Variants in ALMS1 observed in about 807,000 individuals in gnomAD.
ALMS1 encodes centrosome-associated protein ALMS1.
ALMS1 carries 271 observed loss-of-function variants against 352.2 expected under a neutral mutation model. The ratio of observed to expected loss-of-function variants is 0.77; its 90% CI spans 0.70 to 0.85. The LOEUF is 0.85. Among genes scored for constraint, ALMS1 ranks in the 40% least tolerant of loss-of-function variants. The pLI is 0.00. For synonymous variants in ALMS1, 1,865 were observed against 1,761.2 expected, an observed-to-expected ratio of 1.06 and a Z score of -1.48; for missense variants, 5,445 against 4,870.7, an observed-to-expected ratio of 1.12 and a Z score of -3.51.
intron 9 of ALMS1, among the ~76,000 whole-genome samples, chr2:73,487,384 G>C (rs541998645): frequency 2.6e-5 from 4 of 152,314 alleles, no homozygotes; most frequent in African/African-American, 9.6e-5. Flanking sequence ...CAAGGCTGCA[G>C]CTGGACCAGA....
chr2:73,459,950 G>T (rs6756987), intron 9 of ALMS1, among the ~76,000 whole-genome samples: 58,626 of 151,914 alleles, frequency 0.39, 15,842 homozygotes, highest in African/African-American at 0.77. Flanking sequence ...CTCCCCTGTA[G>T]GCCTGTTTCC....
rs765176591 is a variant in ALMS1, at chr2:73,490,519, C to G, written c.8560C>G (p.Leu2854Val). The G allele has an allele frequency of 1.5e-5, 25 of 1,614,022 alleles. No individual in the cohort carries two copies. Among genetic ancestry groups the G allele is most frequent in the Middle Eastern group, 3.3e-4 (2 of 6,082 alleles). The change falls in exon 10 of 23, where the codon CTA (leucine) becomes GTA (valine). Residue 2854 changes from leucine (L) to valine (V), a missense_variant. Physicochemically the swap from Leu to Val is conservative, Grantham distance 32. Transcript: ENST00000613296. ...TAGCATGGGCAGACCAAGTTCCACC[C>G]TAGGAGTAAACAGATCGAGTTCCAG... ...LISMGRPSSTLGVNRSSSRLG... is the reference protein window; with the variant it reads ...LISMGRPSSTVGVNRSSSRLG...
intron 1 of ALMS1, 44 bp from the exon 2 acceptor site, chr2:73,408,578 G>C (rs746305486): frequency 1.9e-6 from 3 of 1,597,202 alleles, no homozygotes; most frequent in East Asian, 4.5e-5. Context: ...TATAATCATA[G>C]TGATTGTGTT....
intron 10 of ALMS1, among the ~76,000 whole-genome samples, chr2:73,509,770 G>C (rs1673411226): frequency 6.6e-6 from 1 of 152,136 alleles, no homozygotes. Flanking sequence ...TATCTTTGTG[G>C]TGTTCTCTGT....
intron 2 of ALMS1, among the ~76,000 whole-genome samples, chr2:73,414,671 T>A (rs1221605498): frequency 6.6e-6 from 1 of 152,042 alleles, no homozygotes; most frequent in Non-Finnish European, 1.5e-5. Flanking sequence ...CTATTATTAA[T>A]CATTACATAA....
intron 7 of ALMS1, among the ~76,000 whole-genome samples, chr2:73,438,988 TTCTTCTTCC>T (rs142350660): frequency 0.3 from 45,424 of 151,432 alleles, 8,341 homozygotes; most frequent in African/African-American, 0.52. Context: ...CTTTTCTTTC[TTCTTCTTCC>T]TCTTCTTCCT....
intron 7 of ALMS1, among the ~76,000 whole-genome samples, chr2:73,438,308 A>G (rs1215492440): frequency 1.3e-5 from 2 of 152,230 alleles, no homozygotes; most frequent in Non-Finnish European, 2.9e-5. Flanking sequence ...TATAACAAGC[A>G]GAAAGTAACT....
In ALMS1 at chr2:73,573,040, G is replaced by C. The variant is rs563578298; in HGVS notation, c.11163G>C (p.Leu3721=). The C allele has an allele frequency of 1.9e-6, 3 of 1,613,944 alleles. No homozygotes were observed. Among genetic ancestry groups the C allele is most frequent in the Non-Finnish European group, 2.5e-6 (3 of 1,179,998 alleles). ...AGATTAAATTTGATAAATATATTCT[G>C]AGTAAACAGCCAGGTTTTAATTATA... is the stretch of plus-strand genomic sequence containing the variant. ...IEQIKFDKYI[L]SKQPGFNYIS... is the part of the protein sequence containing the mutation. The change falls in exon 16 of 23, where the codon CTG becomes CTC. Residue 3721 remains leucine, a synonymous_variant. Transcript: ENST00000613296.
At chr2:73,415,014 TG>T (rs1671158635) in intron 2 of ALMS1, among the ~76,000 whole-genome samples, 1 of 152,188 alleles carries the variant, frequency 6.6e-6, no homozygotes, top group African/African-American at 2.4e-5. Context: ...CTTGAAACGC[TG>T]GAATGTTCGC....
Position 73,424,509 on chromosome 2 carries a change from G to A in ALMS1, c.844G>A (p.Ala282Thr). 6.2e-7 allele frequency: 1 copy of A among 1,609,732 alleles called. No individual in the cohort carries two copies. Among genetic ancestry groups the A allele is most frequent in the Middle Eastern group, 1.7e-4 (1 of 6,030 alleles). ...TAGTGAAGCTTTATTCCAGGCTACT[G>A]CAGAAGTAGCTTCAGACTTAGCAAG... ...EVSEALFQAT[A>T]EVASDLASSR... The change falls in exon 5 of 23, where the codon GCA (alanine) becomes ACA (threonine). Residue 282 changes from alanine (A) to threonine (T), a missense_variant. Transcript: ENST00000613296.
At chr2:73,390,452 G>A (rs1263908921) in intron 1 of ALMS1, among the ~76,000 whole-genome samples, 1 of 152,212 alleles carries the variant, frequency 6.6e-6, no homozygotes, top group East Asian at 1.9e-4. Flanking sequence ...TAATAAGGGA[G>A]TTATAGTGGT....
intron 2 of ALMS1, among the ~76,000 whole-genome samples, chr2:73,413,059 TC>T (rs985343212): frequency 2.0e-5 from 3 of 152,026 alleles, no homozygotes; most frequent in African/African-American, 7.3e-5. Flanking sequence ...ATTTTAACAT[TC>T]ATTTCTCTAA....
At position 73,487,367 on chromosome 2, in the gene ALMS1, C is replaced by A. The variant is rs74378244; in HGVS notation, c.7675-2267C>A. Among the ~76,000 whole-genome samples the A allele has an allele frequency of 6.3e-3, 954 of 152,168 alleles. 11 individuals are homozygous for A. The highest frequency in any genetic ancestry group is 0.02 in the African/African-American group (843 of 41,510). On this transcript the variant is annotated intron_variant, in intron 9 of 22. Transcript: ENST00000613296. ...GCTCCAGTGCTGGCACTGGTGCTGGCGCCACGCAAGGCTGCAGCTGGACCA... is the reference window on the plus strand; with the variant it reads ...GCTCCAGTGCTGGCACTGGTGCTGGAGCCACGCAAGGCTGCAGCTGGACCA...
chr2:73,501,186 G>A (rs962679758), intron 10 of ALMS1, among the ~76,000 whole-genome samples: 3 of 152,006 alleles, frequency 2.0e-5, no homozygotes, highest in Non-Finnish European at 2.9e-5. Flanking sequence ...ATTTGTCTCA[G>A]TATTATAGGA....
At chr2:73,575,886 A>T (rs1255987369) in intron 16 of ALMS1, among the ~76,000 whole-genome samples, 5 of 151,842 alleles carry the variant, frequency 3.3e-5, no homozygotes. Context: ...TTGGTGTCAT[A>T]TCTTAGAAAT....
At chr2:73,394,699 C>T (rs1161190338) in intron 1 of ALMS1, among the ~76,000 whole-genome samples, 2 of 152,034 alleles carry the variant, frequency 1.3e-5, no homozygotes, top group African/African-American at 4.8e-5. Context: ...ATAGTTGTGT[C>T]AATTAATGAT....
chr2:73,503,493 T>C (rs1374926136), intron 10 of ALMS1, among the ~76,000 whole-genome samples: 1 of 152,222 alleles, frequency 6.6e-6, no homozygotes, highest in Non-Finnish European at 1.5e-5. Context: ...TAATCCAGTC[T>C]ATCGTTGTTG....
At chr2:73,605,316 G>T (rs1210782909) in intron 21 of ALMS1, among the ~76,000 whole-genome samples, 1 of 152,166 alleles carries the variant, frequency 6.6e-6, no homozygotes, top group Non-Finnish European at 1.5e-5. Flanking sequence ...ATAAGCGGTG[G>T]CATTAACAAA....
rs755038994 is a variant in ALMS1 at position 73,386,001 on chromosome 2, G to A, written c.133G>A (p.Glu45Lys). Residue 45 changes from glutamate (E) to lysine (K), a missense_variant, in exon 1 of 23, where the codon GAG (glutamate) becomes AAG (lysine). Transcript: ENST00000613296. ...CGTGGACGACGTAGTGGTCGTGGAGGAGGTGGAGGAAGAGGCGGGGCGGGA... is the reference window on the plus strand; with the variant it reads ...CGTGGACGACGTAGTGGTCGTGGAGAAGGTGGAGGAAGAGGCGGGGCGGGA... ...ANVDDVVVVE[E>K]VEEEAGRELD... 3 of 1,558,512 alleles carry A rather than the reference G, an allele frequency of 1.9e-6. No individual in the cohort carries two copies. The highest frequency in any genetic ancestry group is 2.6e-6 in the Non-Finnish European group (3 of 1,151,994).
Sources: allele counts gnomAD v4.1 joint callset (sites outside exome capture counted in the v4.1 genomes callset), GRCh38; gene constraint gnomAD v4.1.1; transcripts MANE v1.5; gene names NCBI Gene and HGNC (gene_info 2026-07-23, HGNC 2026-07-21).